Variants in ELL observed in about 807,000 individuals in gnomAD.
The protein encoded by ELL is RNA polymerase II elongation factor ELL.
A neutral mutation model predicts 64.0 loss-of-function variants in ELL; 18 were observed. The observed-to-expected ratio is 0.28, with a 90% CI of 0.19 to 0.42. The LOEUF is 0.42. ELL is among the 10% of genes least tolerant of loss of function. The pLI, the probability that ELL is intolerant of heterozygous loss-of-function variation, is 1.00. For synonymous variants in ELL, 399 were observed against 376.2 expected (o/e 1.06, Z -0.70); for missense variants, 797 against 870.4 (o/e 0.92, Z 1.06).
chr19:18,473,102 G>T lies in ELL; in HGVS notation c.136-220C>A, dbSNP rs930928545. On this transcript the variant is annotated intron_variant, in intron 1 of 11. Transcript: ENST00000262809. ...GTTCCTCAGATGGACAGAGGGCTGG[G>T]GACACATGACAGGTAAGAATGGGGC... 1.8e-5 allele frequency: 12 copies of T among 678,260 alleles called. 1 individual carries two copies. The Admixed American group carries it at 2.0e-4, about 11-fold the overall frequency. The allele number at this position is 678,260 out of a possible 1,614,324, so 42.0% of individuals were successfully genotyped here.
Position 18,521,917 on chromosome 19 carries a change from T to C in ELL, c.135+4A>G, listed in dbSNP as rs1976290082. On this transcript the variant is annotated splice_donor_region_variant and intron_variant, in intron 1 of 11. Transcript: ENST00000262809. Reference sequence around the variant, plus strand: ...ACTGGCGCGCCGGGCGCCATGCCACTCACCTGTCTGGCGCGGTAGCTCTCG... The same window carrying C: ...ACTGGCGCGCCGGGCGCCATGCCACCCACCTGTCTGGCGCGGTAGCTCTCG... 6.3e-7 allele frequency: 1 copy of C among 1,586,874 alleles called. No individual in the cohort carries two copies. Among genetic ancestry groups the C allele is most frequent in the African/African-American group, 1.4e-5 (1 of 73,368 alleles).
chr19:18,489,546 G>T (rs2144952240), intron 1 of ELL, among the ~76,000 whole-genome samples: 1 of 152,254 alleles, frequency 6.6e-6, no homozygotes, highest in East Asian at 1.9e-4. Context: ...AGTTTCCTCA[G>T]AGGGGAATCT....
At chr19:18,480,700 A>C (rs1188846517) in intron 1 of ELL, among the ~76,000 whole-genome samples, 1 of 152,172 alleles carries the variant, frequency 6.6e-6, no homozygotes, top group African/African-American at 2.4e-5. Context: ...GGTGGTGTGA[A>C]CACGGCTCAC....
intron 1 of ELL, among the ~76,000 whole-genome samples, chr19:18,519,828 A>G (rs886669742): frequency 6.6e-5 from 10 of 150,910 alleles, no homozygotes; most frequent in Non-Finnish European, 1.0e-4. Context: ...AAAAAAAGAA[A>G]GAAAGAAAGA....
intron 1 of ELL, among the ~76,000 whole-genome samples, chr19:18,518,785 T>C (rs1366476100): frequency 6.6e-6 from 1 of 150,602 alleles, no homozygotes; most frequent in African/African-American, 2.4e-5. Context: ...GGCAAGACCC[T>C]GTCTCAAAAA....
intron 8 of ELL, among the ~76,000 whole-genome samples, chr19:18,448,087 AT>A (rs74412361): frequency 0.017 from 2,403 of 141,358 alleles, 14 homozygotes; most frequent in African/African-American, 0.032. Context: ...CACCTGGCGA[AT>A]TTTTTTTTTT....
Position 18,501,778 on chromosome 19 carries a change from T to C in ELL, c.135+20143A>G, listed in dbSNP as rs143101605. ...AGGCAAATTCGGACTCTCCCACAAA[T>C]GGTCCATCCTTGGGGAGCATCTCCC... On this transcript the variant is annotated intron_variant, in intron 1 of 11. Transcript: ENST00000262809. This position sits in a 1 kb window ranked among gnomAD's most constrained non-coding sequence, Gnocchi z 4.5. Among the ~76,000 whole-genome samples, 46 of 152,220 alleles carry C rather than the reference T, an allele frequency of 3.0e-4. No homozygotes were observed. The East Asian group carries it at 4.8e-3, about 16-fold the overall frequency.
intron 1 of ELL, among the ~76,000 whole-genome samples, chr19:18,500,032 C>T (rs994656597): frequency 1.3e-5 from 2 of 152,152 alleles, no homozygotes; most frequent in South Asian, 2.1e-4. Flanking sequence ...GAAGCCGAGG[C>T]GAGCAGATCA....
In ELL at chr19:18,444,854, G is replaced by A. The variant is rs202135131; in HGVS notation, c.1764C>T (p.Tyr588=). The change falls in exon 12 of 12, where the codon TAC becomes TAT. Residue 588 remains tyrosine, a synonymous_variant. Coordinates refer to ENST00000262809, the MANE Select transcript of ELL (RefSeq NM_006532.4). ...YRKIKKTNTN[Y]SQEKHRCEYL... ...ACTCGCAGCGGTGCTTCTCCTGGCT[G>A]TAGTTGGTGTTGGTCTGTGGGACAG... 43 of 1,611,660 alleles carry A rather than the reference G, an allele frequency of 2.7e-5. No homozygotes were observed. The highest frequency in any genetic ancestry group is 3.2e-5 in the Non-Finnish European group (38 of 1,179,860).
intron 1 of ELL, among the ~76,000 whole-genome samples, chr19:18,485,634 G>A (rs1335808698): frequency 2.6e-5 from 4 of 152,184 alleles, no homozygotes; most frequent in Non-Finnish European, 4.4e-5. Context: ...GAGGCCTGGT[G>A]GTTGGAGGCA....
chr19:18,459,692 TTGTG>T (rs1258598709), intron 5 of ELL, among the ~76,000 whole-genome samples: 2 of 147,962 alleles, frequency 1.4e-5, no homozygotes, highest in Non-Finnish European at 3.0e-5. Context: ...GCTAATTTTT[TTGTG>T]TGTGTATTTT....
rs1339430681 is a variant in ELL at position 18,443,450 on chromosome 19, A to ACCCC, written c.*1298_*1301dup. On this transcript the variant is annotated 3_prime_UTR_variant, in exon 12 of 12. Transcript: ENST00000262809. ...TGCCTGACTGCTGATGGCAGCAGTG[A>ACCCC]CCCCCATGTGATCCCTGGGCCCTGA... 8.6e-6 allele frequency: 2 copies of ACCCC among 233,070 alleles called. No individual in the cohort carries two copies. Among genetic ancestry groups the ACCCC allele is most frequent in the Non-Finnish European group, 1.7e-5 (2 of 117,944 alleles). 14.4% of individuals were successfully genotyped at this position (233,070 alleles called of 1,614,324 possible). A position where few individuals can be genotyped will look rare whatever the true frequency, so the allele number is the denominator to read the frequency against.
intron 1 of ELL, among the ~76,000 whole-genome samples, chr19:18,490,074 G>A (rs749484619): frequency 3.3e-5 from 5 of 152,216 alleles, no homozygotes; most frequent in Non-Finnish European, 7.3e-5. Flanking sequence ...CGCCAGCTGC[G>A]TCTGAGAGCA....
Position 18,450,479 on chromosome 19 carries a change from G to A in ELL, c.1463C>T (p.Pro488Leu), listed in dbSNP as rs758649978. ...CGCCCTCCTGCCTGGGCACCTACCT[G>A]GGGTGTCTGCTGGGGCTCCGGGGGT... ...HATPGAPADT[P>L]GLNGTCSVSS... is the part of the protein sequence containing the mutation. Residue 488 changes from proline to leucine, a missense_variant and splice_region_variant, in exon 8 of 12, where the codon CCA becomes CTA. Transcript: ENST00000262809. The A allele has an allele frequency of 6.2e-7, 1 of 1,612,468 alleles. No homozygotes were observed. Among genetic ancestry groups the A allele is most frequent in the Admixed American group, 1.7e-5 (1 of 60,018 alleles).
At chr19:18,493,870 C>T (rs1028820346) in intron 1 of ELL, among the ~76,000 whole-genome samples, 3 of 152,190 alleles carry the variant, frequency 2.0e-5, no homozygotes, top group African/African-American at 4.8e-5. Flanking sequence ...CAGATGTCCA[C>T]CAGTGGGGAC....
chr19:18,497,394 T>C (rs1975678337), intron 1 of ELL, among the ~76,000 whole-genome samples: 1 of 152,122 alleles, frequency 6.6e-6, no homozygotes, highest in Non-Finnish European at 1.5e-5. Context: ...TAGGTAGAGC[T>C]TGGAGGATTT....
At chr19:18,500,261 CAAAAAA>C (rs545592109) in intron 1 of ELL, among the ~76,000 whole-genome samples, 1 of 66,070 alleles carries the variant, frequency 1.5e-5, no homozygotes. Context: ...GACTCCGTCT[CAAAAAA>C]AAAAAAAAAA....
chr19:18,462,334 GCTGT>G (rs1474040324), intron 4 of ELL, among the ~76,000 whole-genome samples: 5 of 90,572 alleles, frequency 5.5e-5, no homozygotes, highest in Admixed American at 2.2e-4. Context: ...ACTCTAGTGG[GCTGT>G]GTGTGTGTGT....
intron 1 of ELL, among the ~76,000 whole-genome samples, chr19:18,503,842 A>G (rs982453060): frequency 4.0e-5 from 6 of 151,896 alleles, no homozygotes; most frequent in Non-Finnish European, 7.4e-5. Flanking sequence ...CGGGACTGTC[A>G]CTCATCACTC....
Sources: gnomAD v4.1 joint callset for allele counts (sites outside exome capture counted in the v4.1 genomes callset) on GRCh38, gnomAD v4.1.1 for gene constraint, Gnocchi (gnomAD v3.1) non-coding constraint, MANE v1.5 for transcripts, NCBI Gene and HGNC (gene_info 2026-07-23, HGNC 2026-07-21) for gene names.